IREB2: variants seen among roughly 807,000 people sequenced by gnomAD.
IREB2 encodes the protein iron-responsive element-binding protein 2.
In IREB2, 39 loss-of-function variants were observed where a neutral mutation model predicts 118.8. The observed-to-expected ratio is 0.33, with a 90% CI of 0.25 to 0.43. IREB2 has a LOEUF of 0.43. Among genes scored for constraint, IREB2 ranks in the 20% least tolerant of loss-of-function variants. IREB2 has a pLI of 1.00. For synonymous variants in IREB2, 372 were observed against 392.2 expected (o/e 0.95, Z 0.61); for missense variants, 900 against 1,147.3 (o/e 0.78, Z 3.11).
intron 2 of IREB2, among the ~76,000 whole-genome samples, chr15:78,459,820 T>C (rs528963160): frequency 1.2e-4 from 18 of 152,262 alleles, no homozygotes; most frequent in African/African-American, 3.9e-4. Context: ...CTCCTCTTTT[T>C]TCGTGCCATT....
chr15:78,483,339 T>G lies in IREB2; in HGVS notation c.1318T>G (p.Ser440Ala). 6.4e-7 allele frequency: 1 copy of G among 1,570,408 alleles called. No homozygotes were observed. The highest frequency in any genetic ancestry group is 8.8e-7 in the Non-Finnish European group (1 of 1,140,464). ...TTAGGTGATCCAGATTAATCTGAAT[T>G]CAATAGTTCCATCTGTTAGTGGTCC... Reference protein sequence around the residue: ...YSQVIQINLNSIVPSVSGPKR... With the variant: ...YSQVIQINLNAIVPSVSGPKR... Residue 440 changes from serine (S) to alanine (A), a missense_variant, in exon 11 of 22, where the codon TCA (serine) becomes GCA (alanine). Ser to Ala is a moderately conservative substitution (Grantham distance 99). Transcript: ENST00000258886.
intron 10 of IREB2, among the ~76,000 whole-genome samples, chr15:78,482,692 C>A (rs1336998800): frequency 6.6e-6 from 1 of 151,854 alleles, no homozygotes; most frequent in African/African-American, 2.4e-5. Flanking sequence ...TCTATTTTAT[C>A]ATTGGACATC....
intron 2 of IREB2, among the ~76,000 whole-genome samples, chr15:78,449,195 A>G (rs1351262897): frequency 1.3e-5 from 2 of 152,150 alleles, no homozygotes; most frequent in African/African-American, 2.4e-5. Flanking sequence ...TTCCCGGTTT[A>G]GTAATGTCAG....
chr15:78,468,898 T>C (rs2051329182), intron 5 of IREB2, among the ~76,000 whole-genome samples: 1 of 152,210 alleles, frequency 6.6e-6, no homozygotes, highest in Non-Finnish European at 1.5e-5. Context: ...ACTTTTGAGA[T>C]TAACACCTCT....
chr15:78,454,168 C>T (rs2051069134), intron 2 of IREB2, among the ~76,000 whole-genome samples: 1 of 152,032 alleles, frequency 6.6e-6, no homozygotes, highest in Non-Finnish European at 1.5e-5. Flanking sequence ...ACCACGTAGC[C>T]CAGCAATATC....
chr15:78,440,311 G>A (rs2050825826), intron 2 of IREB2, among the ~76,000 whole-genome samples: 1 of 151,614 alleles, frequency 6.6e-6, no homozygotes, highest in Admixed American at 6.6e-5. Flanking sequence ...AGAAGAACCT[G>A]ACTGACTGAT....
chr15:78,467,927 A>G (rs1406170475), intron 5 of IREB2, among the ~76,000 whole-genome samples: 1 of 152,038 alleles, frequency 6.6e-6, no homozygotes, highest in Non-Finnish European at 1.5e-5. Flanking sequence ...TGTCATAAGC[A>G]TGGCTCACTG....
At chr15:78,441,725 A>G (rs887097393) in intron 2 of IREB2, among the ~76,000 whole-genome samples, 4 of 152,198 alleles carry the variant, frequency 2.6e-5, no homozygotes. Flanking sequence ...ATAAGTTGTC[A>G]TGGGAATTTG....
At chr15:78,450,608 T>C (rs2051007027) in intron 2 of IREB2, among the ~76,000 whole-genome samples, 1 of 152,150 alleles carries the variant, frequency 6.6e-6, no homozygotes, top group Non-Finnish European at 1.5e-5. Context: ...CCTTCAGAGC[T>C]CATGGGCCAT....
At chr15:78,457,519 T>C (rs2051125847) in intron 2 of IREB2, among the ~76,000 whole-genome samples, 1 of 152,204 alleles carries the variant, frequency 6.6e-6, no homozygotes, top group South Asian at 2.1e-4. Flanking sequence ...GGAAATTATT[T>C]TCATTTGGAA....
At chr15:78,488,888 T>G in intron 16 of IREB2, 117 bp downstream of exon 16, 1 of 627,188 alleles carries the variant, frequency 1.6e-6, no homozygotes, top group Non-Finnish European at 2.6e-6. Context: ...CAGTTTTTAA[T>G]GTGTAATAGT....
intron 20 of IREB2, among the ~76,000 whole-genome samples, chr15:78,496,876 G>A (rs2051845888): frequency 6.6e-6 from 1 of 152,106 alleles, no homozygotes; most frequent in Non-Finnish European, 1.5e-5. Flanking sequence ...CTTATGATGT[G>A]GTAGGCAGCG....
chr15:78,458,965 GT>G (rs1197762825), intron 2 of IREB2, among the ~76,000 whole-genome samples: 2 of 151,866 alleles, frequency 1.3e-5, no homozygotes, highest in African/African-American at 2.4e-5. Flanking sequence ...TACCTGGCTA[GT>G]TTTTTGTATT....
At chr15:78,493,602 ATT>A (rs5813921) in intron 18 of IREB2, among the ~76,000 whole-genome samples, 5 of 149,266 alleles carry the variant, frequency 3.3e-5, no homozygotes, top group Admixed American at 6.7e-5. Flanking sequence ...AATTATTGTG[ATT>A]TTTTTTTTTT....
intron 5 of IREB2, among the ~76,000 whole-genome samples, chr15:78,466,941 G>T (rs2051292999): frequency 6.6e-6 from 1 of 152,002 alleles, no homozygotes; most frequent in South Asian, 2.1e-4. Context: ...TGTTGGCTGG[G>T]CGTAGTGGCT....
rs1362237869 is a variant in IREB2, at chr15:78,462,764, G to A, written c.107-158G>A. On this transcript the variant is annotated intron_variant, in intron 2 of 21. Coordinates refer to ENST00000258886, the MANE Select transcript of IREB2 (RefSeq NM_004136.4). Reference sequence around the variant, plus strand: ...GTTACAAAACACCTGATGTTAACACGAATGGTGTTACACTCTAGTTTGTCA... The same window carrying A: ...GTTACAAAACACCTGATGTTAACACAAATGGTGTTACACTCTAGTTTGTCA... 4.6e-5 allele frequency among the ~76,000 whole-genome samples: 7 copies of A among 152,138 alleles called. No homozygotes were observed. The East Asian group carries it at 1.2e-3, about 25-fold the overall frequency.
chr15:78,485,784 G>A lies in IREB2; in HGVS notation c.1653G>A (p.Gly551=). 1 of 1,613,938 alleles carries A rather than the reference G, an allele frequency of 6.2e-7. No individual in the cohort carries two copies. The highest frequency in any genetic ancestry group is 8.5e-7 in the Non-Finnish European group (1 of 1,179,838). The change falls in exon 13 of 22, where the codon GGG becomes GGA. Residue 551 remains glycine (G), a synonymous_variant. Transcript: ENST00000258886. ...GAACAAGTTTATCTCCAGGCAGTGG[G>A]ATGGTTACACATTACCTCAGTTCAA... ...YIRTSLSPGS[G]MVTHYLSSSG... is the part of the protein sequence containing the mutation.
intron 2 of IREB2, 108 bp downstream of exon 2, chr15:78,439,989 A>G (rs2050820219): frequency 4.2e-6 from 3 of 708,182 alleles, no homozygotes; most frequent in Non-Finnish European, 7.4e-6. Flanking sequence ...GTATTGTAAC[A>G]GGTACACCTA....
chr15:78,494,385 A>G, intron 20 of IREB2, 121 bp downstream of exon 20: 1 of 996,766 alleles, frequency 1.0e-6, no homozygotes. Context: ...TTATAGGTAT[A>G]GAGGGTTTTG....
Sources: allele counts gnomAD v4.1 joint callset (sites outside exome capture counted in the v4.1 genomes callset), GRCh38; gene constraint gnomAD v4.1.1; transcripts MANE v1.5; gene names NCBI Gene and HGNC (gene_info 2026-07-23, HGNC 2026-07-21).